The following LANCL3 variants were observed in gnomAD, a reference collection of about 807,000 sequenced individuals.
LANCL3 encodes LanC like family member 3, also known as lanC-like protein 3.
Under a neutral mutation model 26.5 loss-of-function variants are expected in LANCL3, and 19 were observed. The observed-to-expected ratio is 0.72, with a 90% CI of 0.50 to 1.05. The LOEUF (loss-of-function observed/expected upper bound fraction) is 1.05. Among genes scored for constraint, LANCL3 ranks in the 50% least tolerant of loss-of-function variants. The pLI is 0.00. For synonymous variants in LANCL3, 160 were observed against 166.6 expected, an observed-to-expected ratio of 0.96 and a Z score of 0.30; for missense variants, 318 against 362.7, an observed-to-expected ratio of 0.88 and a Z score of 1.00.
At chrX:37,622,030 G>C (rs1925176508) in intron 1 of LANCL3, among the ~76,000 whole-genome samples, 1 of 111,140 alleles carries the variant, frequency 9.0e-6, no homozygotes. Flanking sequence ...CTCTACCATT[G>C]TTTTACCTCC....
At chrX:37,609,946 G>T (rs781951940) in intron 1 of LANCL3, among the ~76,000 whole-genome samples, 1 of 112,036 alleles carries the variant, frequency 8.9e-6, no homozygotes, top group Non-Finnish European at 1.9e-5. Flanking sequence ...CCATTATTGG[G>T]AAACCAAGAG....
chrX:37,647,453 C>T (rs782585381), intron 1 of LANCL3, among the ~76,000 whole-genome samples: 3 of 112,290 alleles, frequency 2.7e-5, no homozygotes, highest in East Asian at 2.8e-4. Context: ...ACAAAAAAGT[C>T]ATTTTGATGT....
intron 1 of LANCL3, among the ~76,000 whole-genome samples, chrX:37,639,567 C>T (rs1171997970): frequency 1.8e-5 from 2 of 110,419 alleles, no homozygotes; most frequent in African/African-American, 6.6e-5. Context: ...TGGCATTAAG[C>T]TTATAATTAA....
At chrX:37,586,985 A>C (rs782182237) in intron 1 of LANCL3, among the ~76,000 whole-genome samples, 66 of 112,075 alleles carry the variant, frequency 5.9e-4, no homozygotes, top group Non-Finnish European at 1.5e-4. Flanking sequence ...GTGTGGATGT[A>C]CTTTCAGTTT....
chrX:37,630,038 G>C (rs1359469955), intron 1 of LANCL3, among the ~76,000 whole-genome samples: 1 of 111,508 alleles, frequency 9.0e-6, no homozygotes, highest in African/African-American at 3.3e-5. Context: ...AATTACCTTG[G>C]GCAGTATGGC....
chrX:37,630,852 C>T (rs1229903041), intron 1 of LANCL3, among the ~76,000 whole-genome samples: 5 of 110,557 alleles, frequency 4.5e-5, no homozygotes, highest in African/African-American at 6.6e-5. Context: ...ATTCGGTTTG[C>T]CAGTATTTTA....
chrX:37,586,443 G>A (rs1556418030), intron 1 of LANCL3, among the ~76,000 whole-genome samples: 1 of 111,753 alleles, frequency 8.9e-6, no homozygotes, highest in Non-Finnish European at 1.9e-5. Flanking sequence ...CTAATCAGAC[G>A]TACATTTGGT....
chrX:37,619,300 C>T (rs1439912571), intron 1 of LANCL3, among the ~76,000 whole-genome samples: 1 of 111,598 alleles, frequency 9.0e-6, no homozygotes, highest in Non-Finnish European at 1.9e-5. Context: ...TTCTTTTCTA[C>T]CAGCAATCAA....
chrX:37,571,860 C>A lies in LANCL3; in HGVS notation c.-11C>A. On this transcript the variant is annotated 5_prime_UTR_variant, in exon 1 of 5. Transcript: ENST00000378619. ...GTCCTCAGCTCCGCACTAGGGGGCA[C>A]GGGCAACAGCATGGACACCAAGCGC... is the stretch of plus-strand genomic sequence containing the variant. 8.4e-7 allele frequency: 1 copy of A among 1,191,610 alleles called. No individual in the cohort carries two copies. The highest frequency in any genetic ancestry group is 1.1e-6 in the Non-Finnish European group (1 of 884,751).
intron 1 of LANCL3, among the ~76,000 whole-genome samples, chrX:37,634,013 T>A (rs1556425035): frequency 8.9e-6 from 1 of 112,512 alleles, no homozygotes; most frequent in East Asian, 2.8e-4. Context: ...GTCTTTTTGT[T>A]TGTCTGTACC....
intron 1 of LANCL3, among the ~76,000 whole-genome samples, chrX:37,606,147 G>C (rs945385403): frequency 8.9e-6 from 1 of 111,751 alleles, no homozygotes; most frequent in Admixed American, 9.5e-5. Context: ...ACTCACATAG[G>C]ATGCACTTAA....
chrX:37,644,226 C>A (rs1195055315), intron 1 of LANCL3, among the ~76,000 whole-genome samples: 1 of 111,350 alleles, frequency 9.0e-6, no homozygotes, highest in Non-Finnish European at 1.9e-5. Context: ...CACCATCACC[C>A]AAGATCTTGT....
At chrX:37,575,049 C>T (rs1205704992) in intron 1 of LANCL3, among the ~76,000 whole-genome samples, 1 of 109,464 alleles carries the variant, frequency 9.1e-6, no homozygotes, top group African/African-American at 3.4e-5. Flanking sequence ...CCTCAGCCTC[C>T]CAAGTAGGTG....
intron 1 of LANCL3, among the ~76,000 whole-genome samples, chrX:37,591,310 G>T (rs1396242968): frequency 8.9e-6 from 1 of 111,808 alleles, no homozygotes; most frequent in Non-Finnish European, 1.9e-5. Flanking sequence ...TGGAAGAATA[G>T]CCTGAACTCA....
intron 1 of LANCL3, among the ~76,000 whole-genome samples, chrX:37,576,984 T>C (rs782658198): frequency 8.9e-6 from 1 of 112,404 alleles, no homozygotes; most frequent in South Asian, 3.8e-4. Context: ...TTTGAAACCA[T>C]GGAAGGAGAC....
chrX:37,650,257 C>T (rs782661287), intron 1 of LANCL3, among the ~76,000 whole-genome samples: 4 of 99,444 alleles, frequency 4.0e-5, no homozygotes, highest in Non-Finnish European at 6.0e-5. Context: ...GAGCCAAGAT[C>T]GTGCCACTGC....
intron 2 of LANCL3, among the ~76,000 whole-genome samples, chrX:37,656,598 T>G (rs1192751215): frequency 8.9e-6 from 1 of 112,695 alleles, no homozygotes; most frequent in Non-Finnish European, 1.9e-5. Context: ...GGAGAAAGAT[T>G]CACAAGTTTC....
At chrX:37,634,542 C>T (rs3117504) in intron 1 of LANCL3, among the ~76,000 whole-genome samples, 26,055 of 111,923 alleles carry the variant, frequency 0.23, 2,588 homozygotes, top group African/African-American at 0.39. Flanking sequence ...GTCGCTCGCG[C>T]TGGGAGCTGT....
intron 1 of LANCL3, among the ~76,000 whole-genome samples, chrX:37,632,119 T>G (rs1233511640): frequency 2.7e-5 from 3 of 111,665 alleles, no homozygotes; most frequent in Admixed American, 9.5e-5. Context: ...AGGACTTGCT[T>G]TATGAATCTG....
Sources: gnomAD v4.1 joint callset for allele counts (sites outside exome capture counted in the v4.1 genomes callset) on GRCh38, gnomAD v4.1.1 for gene constraint, MANE v1.5 for transcripts, NCBI Gene and HGNC (gene_info 2026-07-23, HGNC 2026-07-21) for gene names.